UBE2W: variants seen among roughly 807,000 people sequenced by gnomAD.
UBE2W encodes the protein ubiquitin-conjugating enzyme E2 W.
Under a neutral mutation model 27.2 loss-of-function variants are expected in UBE2W, and 18 were observed. The ratio of observed to expected loss-of-function variants is 0.66; its 90% confidence interval spans 0.46 to 0.98. The LOEUF (loss-of-function observed/expected upper bound fraction) is 0.98. Among genes scored for constraint, UBE2W ranks in the 50% least tolerant of loss-of-function variants. The probability of loss-of-function intolerance (pLI) is 0.00; values close to 1 mark genes in which losing one functional copy is unlikely to be tolerated. For missense variants in UBE2W, 90 were observed against 180.2 expected, an observed-to-expected ratio of 0.50 and a Z score of 2.87; for synonymous variants, 53 against 57.2, an observed-to-expected ratio of 0.93 and a Z score of 0.33.
rs1721527221 is a variant in UBE2W at position 73,830,553 on chromosome 8, A to G, written c.16-81T>C. On this transcript the variant is annotated intron_variant, in intron 1 of 5. Coordinates refer to ENST00000602593, the MANE Select transcript of UBE2W (RefSeq NM_018299.6). ...CAGGTTGGAGTACAGTGGTGTGATC[A>G]CAGCTCACCACATCCTCAAACTCCT... The G allele has an allele frequency of 6.0e-6, 6 of 994,116 alleles. No homozygotes were observed. The South Asian group carries it at 8.3e-5, about 14-fold the overall frequency. 61.6% of individuals were successfully genotyped at this position (994,116 alleles called of 1,614,324 possible).
chr8:73,861,677 T>C (rs1167380935), intron 1 of UBE2W, among the ~76,000 whole-genome samples: 1 of 152,214 alleles, frequency 6.6e-6, no homozygotes, highest in Non-Finnish European at 1.5e-5. Context: ...TAAAATATTT[T>C]TAAATTTTGT....
chr8:73,801,149 G>T (rs1808624714), intron 5 of UBE2W, among the ~76,000 whole-genome samples: 1 of 152,108 alleles, frequency 6.6e-6, no homozygotes, highest in African/African-American at 2.4e-5. Context: ...CTAATTTAAA[G>T]AATTAATCCT....
chr8:73,868,827 T>C (rs993889087), intron 1 of UBE2W, among the ~76,000 whole-genome samples: 1 of 152,244 alleles, frequency 6.6e-6, no homozygotes, highest in Non-Finnish European at 1.5e-5. Context: ...ACAGAGTTAC[T>C]GTATGACCCA....
intron 3 of UBE2W, among the ~76,000 whole-genome samples, chr8:73,811,434 C>T (rs1049835098): frequency 5.9e-5 from 9 of 152,098 alleles, no homozygotes; most frequent in Admixed American, 3.9e-4. Context: ...AGAATAAATT[C>T]ATATATCCTG....
At chr8:73,798,804 G>A (rs982729749) in intron 5 of UBE2W, among the ~76,000 whole-genome samples, 8 of 152,146 alleles carry the variant, frequency 5.3e-5, no homozygotes, top group African/African-American at 1.9e-4. Flanking sequence ...ATTTATTGGT[G>A]CATAGAACTG....
At position 73,792,619 on chromosome 8, in the gene UBE2W, G is replaced by C. The variant is rs1808251036; in HGVS notation, c.*1483C>G. On this transcript the variant is annotated 3_prime_UTR_variant, in exon 6 of 6. Coordinates refer to ENST00000602593, the MANE Select transcript of UBE2W (RefSeq NM_018299.6). Reference sequence around the variant, plus strand: ...AAATTGATTCATATATTCACTGCAGGATATTTCAAAAAGAGTGCAACAATA... The same window carrying C: ...AAATTGATTCATATATTCACTGCAGCATATTTCAAAAAGAGTGCAACAATA... The C allele has an allele frequency of 1.1e-5, 11 of 985,512 alleles. No individual in the cohort carries two copies. Among genetic ancestry groups the C allele is most frequent in the Non-Finnish European group, 1.3e-5 (11 of 829,732 alleles). The allele number at this position is 985,512 out of a possible 1,614,324, so 61.0% of individuals were successfully genotyped here. A position where few individuals can be genotyped will look rare whatever the true frequency, so the allele number is the denominator to read the frequency against.
intron 3 of UBE2W, among the ~76,000 whole-genome samples, chr8:73,814,919 AG>A (rs1809326675): frequency 6.6e-6 from 1 of 152,220 alleles, no homozygotes; most frequent in South Asian, 2.1e-4. Context: ...AATTATGCTC[AG>A]GGTATGTATC....
intron 1 of UBE2W, among the ~76,000 whole-genome samples, chr8:73,830,802 CAACAT>C (rs1383654425): frequency 6.6e-6 from 1 of 152,174 alleles, no homozygotes; most frequent in South Asian, 2.1e-4. Flanking sequence ...TTTAAAAAAA[CAACAT>C]AACATCTTTC....
chr8:73,828,985 A>G (rs1477610192), intron 2 of UBE2W, among the ~76,000 whole-genome samples: 1 of 152,146 alleles, frequency 6.6e-6, no homozygotes, highest in African/African-American at 2.4e-5. Context: ...TTATAAGACT[A>G]TTTTATAGCC....
chr8:73,845,014 G>A (rs1266719226), intron 1 of UBE2W, among the ~76,000 whole-genome samples: 1 of 30,584 alleles, frequency 3.3e-5, no homozygotes, highest in South Asian at 1.7e-3. Flanking sequence ...CAGGAGGTGG[G>A]GGGCAGCCCC....
chr8:73,820,902 G>T (rs550588900), intron 3 of UBE2W, among the ~76,000 whole-genome samples: 2 of 152,270 alleles, frequency 1.3e-5, no homozygotes, highest in East Asian at 3.9e-4. Context: ...AGTGAGCTAT[G>T]ATTACACCAC....
intron 3 of UBE2W, among the ~76,000 whole-genome samples, 190 bp downstream of exon 3, chr8:73,824,957 C>T (rs1203811474): frequency 2.0e-5 from 3 of 152,152 alleles, no homozygotes; most frequent in Non-Finnish European, 1.5e-5. Context: ...ATTTTAGAAG[C>T]AAAATGCAGT....
At chr8:73,860,040 T>C (rs1442326398) in intron 1 of UBE2W, among the ~76,000 whole-genome samples, 1 of 151,754 alleles carries the variant, frequency 6.6e-6, no homozygotes, top group African/African-American at 2.4e-5. Context: ...AGTCACATAA[T>C]CTTACCATCA....
intron 1 of UBE2W, among the ~76,000 whole-genome samples, chr8:73,846,333 T>G (rs960538852): frequency 6.6e-6 from 1 of 151,928 alleles, no homozygotes; most frequent in African/African-American, 2.4e-5. Flanking sequence ...GAGGCAGAGG[T>G]CGCAGTGAGT....
chr8:73,861,110 T>C (rs1399569172), intron 1 of UBE2W, among the ~76,000 whole-genome samples: 1 of 151,952 alleles, frequency 6.6e-6, no homozygotes, highest in Non-Finnish European at 1.5e-5. Context: ...CAGAGTGAGG[T>C]CCTACTTCTA....
intron 1 of UBE2W, among the ~76,000 whole-genome samples, chr8:73,835,232 G>C (rs1040073710): frequency 7.5e-6 from 1 of 133,214 alleles, no homozygotes; most frequent in Admixed American, 7.6e-5. Flanking sequence ...GGGTTCTATA[G>C]AAAAAAAAAA....
downstream of UBE2W, among the ~76,000 whole-genome samples, chr8:73,783,948 G>C (rs950439768): frequency 5.9e-5 from 9 of 151,990 alleles, no homozygotes; most frequent in African/African-American, 1.9e-4. Flanking sequence ...TTTTAGTAGA[G>C]ACAAGTTGGC....
intron 3 of UBE2W, among the ~76,000 whole-genome samples, chr8:73,816,712 AC>A (rs1435071048): frequency 3.9e-5 from 6 of 152,144 alleles, no homozygotes; most frequent in African/African-American, 1.4e-4. Flanking sequence ...AATACTGAAA[AC>A]GTCTTCATCA....
At chr8:73,784,187 A>G (rs1283468597), downstream of UBE2W, among the ~76,000 whole-genome samples, 1 of 152,094 alleles carries the variant, frequency 6.6e-6, no homozygotes, top group African/African-American at 2.4e-5. Context: ...CTCATCCTGC[A>G]GTTTGTCATG....
Sources: gnomAD v4.1 joint callset for allele counts (sites outside exome capture counted in the v4.1 genomes callset) on GRCh38, gnomAD v4.1.1 for gene constraint, MANE v1.5 for transcripts, NCBI Gene and HGNC (gene_info 2026-07-23, HGNC 2026-07-21) for gene names.